Variants in TENM3 observed in about 807,000 individuals in gnomAD.
TENM3 encodes teneurin transmembrane protein 3.
In TENM3, 63 loss-of-function variants were observed where a neutral mutation model predicts 255.1. The observed-to-expected ratio is 0.25, with a 90% CI of 0.20 to 0.30. The LOEUF is 0.30. Ranked by LOEUF, TENM3 falls within the 10% of genes least tolerant of loss-of-function variation. The pLI is 1.00. For missense variants in TENM3, 2,929 were observed against 3,461.1 expected (o/e 0.85, Z 3.86); for synonymous variants, 1,306 against 1,322.3 (o/e 0.99, Z 0.27).
rs3071526 is a variant in TENM3, at chr4:182,217,009, CTTTTTTTTTTT to C, written c.-76+72276_-76+72286del. On this transcript the variant is annotated intron_variant, in intron 1 of 2. Coordinates refer to the TENM3 transcript ENST00000512480. ...TCTAAATTTCACCATCATTTTCTTT[CTTTTTTTTTTT>C]TTTTTTTTTTTTTTTTTTTTGAGAC... Among the ~76,000 whole-genome samples the C allele has an allele frequency of 2.5e-4, 17 of 67,528 alleles. No individual in the cohort carries two copies. In the South Asian group the frequency reaches 8.5e-3, roughly 34 times the overall value. The allele number at this position is 67,528 out of a possible 152,430, so 44.3% of individuals were successfully genotyped here.
At chr4:182,102,317 T>C in the TENM3 span, among the ~76,000 whole-genome samples, 1 of 152,172 alleles carries the variant, frequency 6.6e-6, no homozygotes, top group Non-Finnish European at 1.5e-5. Context: ...GTAATCAGAC[T>C]ACTTGGTGTT....
the TENM3 span, among the ~76,000 whole-genome samples, chr4:181,451,770 G>A: frequency 2.5e-3 from 387 of 152,264 alleles, 2 homozygotes; most frequent in African/African-American, 9.1e-3. Flanking sequence ...TACCTAAGAT[G>A]CATATATCCT....
the TENM3 span, among the ~76,000 whole-genome samples, chr4:181,728,556 G>A: frequency 2.6e-5 from 4 of 152,128 alleles, no homozygotes; most frequent in Non-Finnish European, 2.9e-5. Context: ...ATAAACTGTC[G>A]TGGTGCTGGT....
chr4:182,730,442 C>A, intron 15 of TENM3, 123 bp downstream of exon 15: 1 of 1,089,064 alleles, frequency 9.2e-7, no homozygotes, highest in Non-Finnish European at 1.3e-6. Context: ...TTAGACTCTA[C>A]AAACTTGTGA....
At chr4:182,594,318 G>A (rs1365890461) in intron 3 of TENM3, among the ~76,000 whole-genome samples, 1 of 151,968 alleles carries the variant, frequency 6.6e-6, no homozygotes, top group East Asian at 1.9e-4. Flanking sequence ...TGACATTTCT[G>A]ATCGTAATTT....
chr4:181,635,380 A>C, the TENM3 span, among the ~76,000 whole-genome samples: 1 of 152,242 alleles, frequency 6.6e-6, no homozygotes, highest in Admixed American at 6.5e-5. Context: ...TTCATGAGGG[A>C]CATCAGTAGT....
intron 1 of TENM3, among the ~76,000 whole-genome samples, chr4:182,215,819 T>C (rs747985448): frequency 6.6e-6 from 1 of 152,232 alleles, no homozygotes; most frequent in Non-Finnish European, 1.5e-5. Context: ...CAATCAGGTT[T>C]CAAGTTCCAC....
chr4:182,497,444 A>G (rs1245760609), intron 3 of TENM3, among the ~76,000 whole-genome samples: 1 of 152,234 alleles, frequency 6.6e-6, no homozygotes, highest in Non-Finnish European at 1.5e-5. Flanking sequence ...ACAATTCTAG[A>G]AAACTTGAAT....
intron 5 of TENM3, among the ~76,000 whole-genome samples, chr4:182,641,035 T>G (rs1250747440): frequency 1.3e-5 from 2 of 152,178 alleles, no homozygotes; most frequent in African/African-American, 4.8e-5. Flanking sequence ...CCAGCTGAAC[T>G]TGATAAGGCA....
At chr4:182,419,949 A>G (rs1318361488) in intron 3 of TENM3, among the ~76,000 whole-genome samples, 4 of 152,088 alleles carry the variant, frequency 2.6e-5, no homozygotes, top group African/African-American at 9.7e-5. Flanking sequence ...GCACACCAAC[A>G]TGGCACATGT....
chr4:181,578,725 C>T, the TENM3 span, among the ~76,000 whole-genome samples: 2 of 152,150 alleles, frequency 1.3e-5, no homozygotes, highest in Admixed American at 6.5e-5. Flanking sequence ...TGGCCACCTC[C>T]CCTCTGCATC....
At chr4:181,559,147 T>C in the TENM3 span, among the ~76,000 whole-genome samples, 400 of 152,244 alleles carry the variant, frequency 2.6e-3, 1 homozygote, top group African/African-American at 8.8e-3. Context: ...GCAAAGTGCT[T>C]CCTAAAGGGT....
At chr4:182,122,598 C>T in the TENM3 span, among the ~76,000 whole-genome samples, 261 of 152,158 alleles carry the variant, frequency 1.7e-3, 1 homozygote, top group Middle Eastern at 0.014. Flanking sequence ...CTTAAAATTT[C>T]CAATAAACCA....
chr4:181,920,172 T>C, the TENM3 span, among the ~76,000 whole-genome samples: 11 of 152,228 alleles, frequency 7.2e-5, no homozygotes, highest in African/African-American at 2.6e-4. Context: ...TTTCCTATTG[T>C]GAATAGTGCC....
the TENM3 span, among the ~76,000 whole-genome samples, chr4:181,959,216 G>A: frequency 1.3e-5 from 2 of 152,094 alleles, no homozygotes; most frequent in African/African-American, 4.8e-5. Flanking sequence ...ATCTAAATTT[G>A]GTGTCCCAGT....
the TENM3 span, among the ~76,000 whole-genome samples, chr4:182,096,401 G>A: frequency 1.3e-5 from 2 of 151,928 alleles, no homozygotes; most frequent in East Asian, 3.9e-4. Context: ...CGTAAATAAA[G>A]GAAAATAACC....
chr4:182,518,456 C>T (rs1424151588), intron 3 of TENM3, among the ~76,000 whole-genome samples: 1 of 151,928 alleles, frequency 6.6e-6, no homozygotes, highest in Non-Finnish European at 1.5e-5. Flanking sequence ...TGGGCCAGAC[C>T]TAATTGAAAG....
the TENM3 span, among the ~76,000 whole-genome samples, chr4:181,854,215 C>T: frequency 1.3e-5 from 2 of 152,136 alleles, no homozygotes; most frequent in African/African-American, 2.4e-5. Flanking sequence ...CAATTTGTAG[C>T]CTGGATGGAA....
chr4:181,915,544 T>A, the TENM3 span, among the ~76,000 whole-genome samples: 2 of 151,756 alleles, frequency 1.3e-5, no homozygotes, highest in African/African-American at 4.8e-5. Context: ...GATGAGACAA[T>A]AATTGATCTG....
Sources: gnomAD v4.1 joint callset for allele counts (sites outside exome capture counted in the v4.1 genomes callset) on GRCh38, gnomAD v4.1.1 for gene constraint, MANE v1.5 for transcripts, NCBI Gene and HGNC (gene_info 2026-07-23, HGNC 2026-07-21) for gene names.